The following RHPN2 variants were observed in gnomAD, a reference collection of about 807,000 sequenced individuals.
RHPN2 encodes rhophilin-2.
A neutral mutation model predicts 79.0 loss-of-function variants in RHPN2; 40 were observed. That is an observed-to-expected ratio of 0.51 (90% CI 0.39 to 0.66). RHPN2 has a LOEUF of 0.66. Ranked by LOEUF, RHPN2 falls within the 30% of genes least tolerant of loss-of-function variation. The pLI is 0.00. For synonymous variants in RHPN2, 285 were observed against 363.5 expected (o/e 0.78, Z 2.46); for missense variants, 686 against 883.5 (o/e 0.78, Z 2.83).
intron 10 of RHPN2, chr19:32,996,547 T>C (rs963213734): frequency 6.9e-6 from 3 of 433,776 alleles, no homozygotes; most frequent in Admixed American, 3.5e-5. Context: ...CCTGGGGATG[T>C]GCTCAGTGGC....
At position 32,991,865 on chromosome 19, in the gene RHPN2, G is replaced by C. The variant is rs1242028058; in HGVS notation, c.1602C>G (p.Ala534=). The C allele has an allele frequency of 1.2e-6, 2 of 1,613,818 alleles. No individual in the cohort carries two copies. The highest frequency in any genetic ancestry group is 1.3e-5 in the African/African-American group (1 of 74,908). ...GATCCAGGAAGTGAACCTGAACGGG[G>C]GCGTTCCCTCTCAAGGTGAACCCCA... is the stretch of plus-strand genomic sequence containing the variant. ...GDLGFTLRGN[A]PVQVHFLDPY... Residue 534 remains alanine (A), a synonymous_variant, in exon 13 of 15, where the codon GCC becomes GCG. Coordinates refer to ENST00000254260, the MANE Select transcript of RHPN2 (RefSeq NM_033103.5).
chr19:33,042,102 C>A (rs141344541), intron 2 of RHPN2, among the ~76,000 whole-genome samples: 1,728 of 151,728 alleles, frequency 0.011, 28 homozygotes, highest in African/African-American at 0.04. Context: ...GGCAGGAGAA[C>A]CACTTGAACA....
intron 1 of RHPN2, among the ~76,000 whole-genome samples, chr19:33,052,068 T>C (rs2145269039): frequency 6.6e-6 from 1 of 151,924 alleles, no homozygotes; most frequent in South Asian, 2.1e-4. Context: ...ACCTTGATCT[T>C]GGATTTCTAG....
rs1354887643 is a variant in RHPN2, at chr19:33,018,678, A to G, written c.390+2893T>C. 2.6e-5 allele frequency among the ~76,000 whole-genome samples: 4 copies of G among 152,316 alleles called. No homozygotes were observed. The East Asian group carries it at 7.7e-4, about 29-fold the overall frequency. The stretch of plus-strand genomic sequence containing the variant: ...CAAGGCAGCAGTCAAAAAGGCCTCT[A>G]TTTATGTCAAACAACTCACTGTCTC... On this transcript the variant is annotated intron_variant, in intron 4 of 14. Coordinates refer to ENST00000254260, the MANE Select transcript of RHPN2 (RefSeq NM_033103.5).
intron 4 of RHPN2, among the ~76,000 whole-genome samples, chr19:33,017,040 C>G (rs938183501): frequency 1.3e-5 from 2 of 152,120 alleles, no homozygotes; most frequent in Non-Finnish European, 2.9e-5. Context: ...CTTAAAAATG[C>G]CTATAAAATT....
chr19:33,013,272 G>A (rs909632973), intron 4 of RHPN2, among the ~76,000 whole-genome samples: 10 of 151,462 alleles, frequency 6.6e-5, no homozygotes, highest in African/African-American at 2.4e-4. Flanking sequence ...TCGGCTCACT[G>A]CAACCTCCAC....
intron 4 of RHPN2, among the ~76,000 whole-genome samples, chr19:33,018,737 A>C (rs1257497037): frequency 6.6e-6 from 1 of 152,100 alleles, no homozygotes. Flanking sequence ...CAAAGTATTA[A>C]CCAATTGCTT....
chr19:32,983,523 A>C (rs1487646662), intron 14 of RHPN2, among the ~76,000 whole-genome samples: 2 of 151,620 alleles, frequency 1.3e-5, no homozygotes, highest in Non-Finnish European at 2.9e-5. Context: ...AAAAAAAAAA[A>C]AGTAAAGCCT....
intron 3 of RHPN2, among the ~76,000 whole-genome samples, chr19:33,024,907 A>G (rs1971953948): frequency 6.6e-6 from 1 of 152,048 alleles, no homozygotes; most frequent in Non-Finnish European, 1.5e-5. Flanking sequence ...GTGCACCACC[A>G]TGCCCGGCTA....
intron 2 of RHPN2, among the ~76,000 whole-genome samples, chr19:33,033,550 G>A (rs532044007): frequency 6.6e-6 from 1 of 152,076 alleles, no homozygotes; most frequent in Non-Finnish European, 1.5e-5. Context: ...TGGCGACAGA[G>A]CGAGTCTCCA....
intron 2 of RHPN2, among the ~76,000 whole-genome samples, chr19:33,028,842 T>C (rs576320090): frequency 6.6e-6 from 1 of 152,138 alleles, no homozygotes; most frequent in Admixed American, 6.6e-5. Context: ...GATTTTAAAA[T>C]TTACTAAAAA....
chr19:33,022,491 A>G (rs749231037), intron 3 of RHPN2, among the ~76,000 whole-genome samples: 1 of 151,860 alleles, frequency 6.6e-6, no homozygotes, highest in Non-Finnish European at 1.5e-5. Flanking sequence ...GCGTCCCACC[A>G]CCGGCACAGG....
chr19:33,034,271 G>A (rs1222964552), intron 2 of RHPN2, among the ~76,000 whole-genome samples: 1 of 151,762 alleles, frequency 6.6e-6, no homozygotes, highest in Non-Finnish European at 1.5e-5. Context: ...TGGAGTTTGA[G>A]ACCAGACTGG....
intron 14 of RHPN2, 85 bp from the exon 15 acceptor site, chr19:32,980,341 C>G: frequency 6.7e-7 from 1 of 1,502,222 alleles, no homozygotes; most frequent in African/African-American, 1.4e-5. Context: ...GGCGCGGTGG[C>G]TCACACCTGT....
chr19:32,984,473 A>G (rs962489511), intron 14 of RHPN2, among the ~76,000 whole-genome samples: 1 of 152,164 alleles, frequency 6.6e-6, no homozygotes, highest in African/African-American at 2.4e-5. Context: ...AGCCTGGCCA[A>G]TATGGTGAAA....
intron 2 of RHPN2, among the ~76,000 whole-genome samples, chr19:33,036,985 G>C (rs189695978): frequency 2.0e-5 from 3 of 152,214 alleles, no homozygotes; most frequent in Non-Finnish European, 4.4e-5. Flanking sequence ...TGACGAGTGC[G>C]GGCGCAGGGC....
intron 2 of RHPN2, among the ~76,000 whole-genome samples, chr19:33,037,489 A>G (rs1276909935): frequency 6.6e-6 from 1 of 152,184 alleles, no homozygotes; most frequent in Non-Finnish European, 1.5e-5. Context: ...ACTCTTTGCA[A>G]TAAATCTTGC....
chr19:33,062,370 G>C (rs1972287151), intron 1 of RHPN2, among the ~76,000 whole-genome samples: 1 of 151,958 alleles, frequency 6.6e-6, no homozygotes, highest in Admixed American at 6.6e-5. Context: ...GCTGAGGCGG[G>C]AGAATCACTT....
intron 1 of RHPN2, among the ~76,000 whole-genome samples, chr19:33,050,969 C>A (rs1426190756): frequency 6.6e-6 from 1 of 152,116 alleles, no homozygotes; most frequent in African/African-American, 2.4e-5. Context: ...AGTACTAACT[C>A]AAATAAGTTT....
Sources: gnomAD v4.1 joint callset for allele counts (sites outside exome capture counted in the v4.1 genomes callset) on GRCh38, gnomAD v4.1.1 for gene constraint, MANE v1.5 for transcripts, NCBI Gene and HGNC (gene_info 2026-07-23, HGNC 2026-07-21) for gene names.